The following KIAA1217 variants were observed in gnomAD, a reference collection of about 807,000 sequenced individuals.
KIAA1217 encodes KIAA1217.
Under a neutral mutation model 163.9 loss-of-function variants are expected in KIAA1217, and 88 were observed. The ratio of observed to expected loss-of-function variants is 0.54; its 90% CI spans 0.45 to 0.64. The LOEUF is 0.64. Ranked by LOEUF, KIAA1217 falls within the 30% of genes least tolerant of loss-of-function variation. The probability of loss-of-function intolerance (pLI) is 0.00; values close to 1 mark genes in which losing one functional copy is unlikely to be tolerated. For synonymous variants in KIAA1217, 903 were observed against 923.1 expected, an observed-to-expected ratio of 0.98 and a Z score of 0.39; for missense variants, 2,372 against 2,475.0, an observed-to-expected ratio of 0.96 and a Z score of 0.88.
chr10:24,307,622 A>G (rs2042151159), intron 2 of KIAA1217, among the ~76,000 whole-genome samples: 1 of 152,056 alleles, frequency 6.6e-6, no homozygotes, highest in Non-Finnish European at 1.5e-5. Context: ...CAAAAAAAAA[A>G]AAAAAAATAT....
chr10:24,067,299 G>A (rs2060990710), intron 2 of KIAA1217, among the ~76,000 whole-genome samples: 1 of 152,094 alleles, frequency 6.6e-6, no homozygotes, highest in African/African-American at 2.4e-5. Context: ...CTTTGATGAT[G>A]GTGACGTACT....
chr10:23,975,639 G>A (rs1255168202), intron 1 of KIAA1217, among the ~76,000 whole-genome samples: 1 of 152,102 alleles, frequency 6.6e-6, no homozygotes, highest in African/African-American at 2.4e-5. Flanking sequence ...TGCTGTTGGT[G>A]GGAAAGAATG....
intron 2 of KIAA1217, among the ~76,000 whole-genome samples, chr10:24,304,600 C>T (rs910366864): frequency 1.3e-5 from 2 of 152,046 alleles, no homozygotes; most frequent in Non-Finnish European, 2.9e-5. Flanking sequence ...CCTTTAAGTG[C>T]TGAGATTACA....
intron 5 of KIAA1217, among the ~76,000 whole-genome samples, chr10:24,468,374 G>T (rs947974439): frequency 6.6e-6 from 1 of 152,164 alleles, no homozygotes; most frequent in Admixed American, 6.5e-5. Flanking sequence ...TCTGTTTAGA[G>T]CCAAGGATGA....
chr10:24,182,855 A>G (rs187142444), intron 2 of KIAA1217, among the ~76,000 whole-genome samples: 77 of 152,290 alleles, frequency 5.1e-4, no homozygotes, highest in African/African-American at 1.8e-3. Flanking sequence ...TTTGATAACA[A>G]TACACTCTAG....
At chr10:24,216,792 A>T (rs2068874106) in intron 1 of KIAA1217, among the ~76,000 whole-genome samples, 1 of 147,386 alleles carries the variant, frequency 6.8e-6, no homozygotes. Context: ...GCACCACTGC[A>T]CTCCAGCCTG....
At chr10:24,335,521 C>T (rs1465419222) in intron 2 of KIAA1217, among the ~76,000 whole-genome samples, 4 of 151,636 alleles carry the variant, frequency 2.6e-5, no homozygotes, top group East Asian at 1.9e-4. Context: ...CATGATGGCA[C>T]GAGCCTGTGA....
chr10:24,031,941 C>T (rs1848204176), intron 2 of KIAA1217, among the ~76,000 whole-genome samples: 1 of 152,164 alleles, frequency 6.6e-6, no homozygotes, highest in South Asian at 2.1e-4. Context: ...ATTTTGCATA[C>T]TTCCCACTGC....
intron 1 of KIAA1217, among the ~76,000 whole-genome samples, chr10:23,800,295 A>G (rs1382238520): frequency 3.9e-5 from 6 of 152,226 alleles, no homozygotes; most frequent in South Asian, 2.1e-4. Flanking sequence ...GTAAATTACA[A>G]TAAGATTAAA....
At chr10:24,365,800 G>A (rs2050703814) in intron 2 of KIAA1217, among the ~76,000 whole-genome samples, 1 of 152,104 alleles carries the variant, frequency 6.6e-6, no homozygotes, top group Non-Finnish European at 1.5e-5. Context: ...TGGCTTTCGA[G>A]TGTAGCCATC....
At chr10:24,314,507 G>A (rs929322390) in intron 2 of KIAA1217, among the ~76,000 whole-genome samples, 7 of 152,124 alleles carry the variant, frequency 4.6e-5, no homozygotes, top group South Asian at 4.1e-4. Context: ...ATGTGCTCAC[G>A]CATGTTATAA....
intron 1 of KIAA1217, among the ~76,000 whole-genome samples, chr10:23,796,193 C>T (rs1836193971): frequency 2.6e-5 from 4 of 152,058 alleles, no homozygotes; most frequent in African/African-American, 9.7e-5. Flanking sequence ...AGGAAAGATG[C>T]CTAGAAAGCC....
chr10:23,793,987 G>A (rs978777140), intron 1 of KIAA1217, among the ~76,000 whole-genome samples: 4 of 152,240 alleles, frequency 2.6e-5, no homozygotes, highest in African/African-American at 4.8e-5. Context: ...AAAAGCACCC[G>A]GATGCTTGTT....
At chr10:24,383,028 G>A (rs780382217) in intron 3 of KIAA1217, among the ~76,000 whole-genome samples, 8 of 151,506 alleles carry the variant, frequency 5.3e-5, no homozygotes, top group Non-Finnish European at 1.0e-4. Context: ...TTTATTTTTT[G>A]TAGAGATGGG....
At chr10:24,157,941 T>C (rs1383417728) in intron 2 of KIAA1217, 2 of 719,256 alleles carry the variant, frequency 2.8e-6, no homozygotes, top group East Asian at 5.0e-5. Context: ...TTACCTGGAT[T>C]TTGAATGTGG....
chr10:24,323,249 C>G (rs2044408920), intron 2 of KIAA1217, among the ~76,000 whole-genome samples: 1 of 152,100 alleles, frequency 6.6e-6, no homozygotes, highest in South Asian at 2.1e-4. Flanking sequence ...TGGCTTCAGC[C>G]CTTTTGTTTC....
At chr10:24,478,696 G>C (rs1166142635) in intron 6 of KIAA1217, among the ~76,000 whole-genome samples, 2 of 152,192 alleles carry the variant, frequency 1.3e-5, no homozygotes, top group Non-Finnish European at 2.9e-5. Flanking sequence ...ATGGCTTAGT[G>C]CCTGAGGCTC....
At chr10:23,975,027 T>C (rs1463980910) in intron 1 of KIAA1217, among the ~76,000 whole-genome samples, 2 of 152,204 alleles carry the variant, frequency 1.3e-5, no homozygotes, top group African/African-American at 4.8e-5. Flanking sequence ...AATTACTCAA[T>C]GCACATTGCA....
chr10:24,270,685 C>T (rs192585699), intron 2 of KIAA1217, among the ~76,000 whole-genome samples: 52 of 152,164 alleles, frequency 3.4e-4, no homozygotes, highest in Admixed American at 1.7e-3. Context: ...AGATTACGGG[C>T]GCCTGCCTCC....
Sources: allele counts gnomAD v4.1 joint callset (sites outside exome capture counted in the v4.1 genomes callset), GRCh38; gene constraint gnomAD v4.1.1; transcripts MANE v1.5; gene names NCBI Gene and HGNC (gene_info 2026-07-23, HGNC 2026-07-21).